FTO: variants seen among roughly 807,000 people sequenced by gnomAD.
FTO encodes the protein FTO alpha-ketoglutarate dependent dioxygenase.
Under a neutral mutation model 63.9 loss-of-function variants are expected in FTO, and 47 were observed. That is an observed-to-expected ratio of 0.74 (90% confidence interval 0.58 to 0.94). FTO has a LOEUF of 0.94. Ranked by LOEUF, FTO falls within the 40% of genes least tolerant of loss-of-function variation. FTO has a pLI of 0.00. For synonymous variants in FTO, 207 were observed against 224.4 expected, an observed-to-expected ratio of 0.92 and a Z score of 0.69; for missense variants, 562 against 618.1, an observed-to-expected ratio of 0.91 and a Z score of 0.96.
At chr16:53,724,743 T>G (rs2076114731) in intron 1 of FTO, among the ~76,000 whole-genome samples, 1 of 152,166 alleles carries the variant, frequency 6.6e-6, no homozygotes. Flanking sequence ...CAGTTTCTTT[T>G]CCTACATGAA....
At chr16:53,828,142 T>C (rs762463771) in intron 3 of FTO, among the ~76,000 whole-genome samples, 1 of 152,224 alleles carries the variant, frequency 6.6e-6, no homozygotes, top group Non-Finnish European at 1.5e-5. Flanking sequence ...CATATAAATA[T>C]AGAAATGTTG....
At chr16:53,793,686 G>A (rs1475883009) in intron 1 of FTO, among the ~76,000 whole-genome samples, 5 of 152,138 alleles carry the variant, frequency 3.3e-5, no homozygotes, top group Non-Finnish European at 2.9e-5. Flanking sequence ...TGGCGTGAAC[G>A]CGGGAGACGG....
chr16:53,903,339 A>T (rs923588583), intron 7 of FTO, among the ~76,000 whole-genome samples: 2 of 151,146 alleles, frequency 1.3e-5, no homozygotes, highest in Non-Finnish European at 2.9e-5. Context: ...GCTCATTGCA[A>T]CCTTTGCCTC....
At chr16:53,762,207 G>C (rs2151605758) in intron 1 of FTO, among the ~76,000 whole-genome samples, 1 of 152,246 alleles carries the variant, frequency 6.6e-6, no homozygotes, top group East Asian at 1.9e-4. Context: ...AGGCACTCCT[G>C]TTTATTTTCA....
chr16:54,100,420 A>C (rs372975822), intron 8 of FTO, among the ~76,000 whole-genome samples: 237 of 152,202 alleles, frequency 1.6e-3, no homozygotes, highest in African/African-American at 5.6e-3. Flanking sequence ...TGGCACAATC[A>C]CGGCTCACTG....
chr16:53,761,461 G>A (rs1163833378), intron 1 of FTO, among the ~76,000 whole-genome samples: 3 of 152,076 alleles, frequency 2.0e-5, no homozygotes, highest in Non-Finnish European at 2.9e-5. Context: ...CCAAGTGCAT[G>A]TTTTGAATCC....
chr16:54,119,599 C>G lies in FTO; in HGVS notation c.*7684C>G, dbSNP rs1224424028. The G allele has an allele frequency of 6.6e-6, 1 of 152,078 alleles. No homozygotes were observed. The highest frequency in any genetic ancestry group is 2.4e-5 in the African/African-American group (1 of 41,386). The allele number at this position is 152,078 out of a possible 1,614,324, so 9.4% of individuals were successfully genotyped here. ...CTCGGTGAACATGTGAACAATCAAG[C>G]CATGTTTACCATGGACGTTTAGTTT... On this transcript the variant is annotated 3_prime_UTR_variant, in exon 9 of 9. Transcript: ENST00000471389.
rs186447035 is a variant in FTO, at chr16:54,117,249, G to A, written c.*5334G>A. 7 of 152,260 alleles carry A rather than the reference G, an allele frequency of 4.6e-5. No individual in the cohort carries two copies. The highest frequency in any genetic ancestry group is 2.0e-4 in the Admixed American group (3 of 15,282). The allele number at this position is 152,260 out of a possible 1,614,324, so 9.4% of individuals were successfully genotyped here. A position where few individuals can be genotyped will look rare whatever the true frequency, so the allele number is the denominator to read the frequency against. ...TTGTGAAGGTTCAATAAGTTAATGCGTATTTAAAATGCCTCCCACAGTACC... is the reference window on the plus strand; with the variant it reads ...TTGTGAAGGTTCAATAAGTTAATGCATATTTAAAATGCCTCCCACAGTACC... On this transcript the variant is annotated 3_prime_UTR_variant, in exon 9 of 9. Transcript: ENST00000471389.
chr16:53,930,994 G>A (rs1352645337), intron 7 of FTO, among the ~76,000 whole-genome samples: 1 of 152,100 alleles, frequency 6.6e-6, no homozygotes, highest in Admixed American at 6.5e-5. Flanking sequence ...ATGGGGATAC[G>A]GTGTTGAACT....
intron 1 of FTO, among the ~76,000 whole-genome samples, chr16:53,806,500 T>C (rs1003999578): frequency 6.6e-6 from 1 of 152,222 alleles, no homozygotes; most frequent in Non-Finnish European, 1.5e-5. Context: ...TGCTTTTTAC[T>C]TCCCAATATC....
At chr16:53,835,194 G>A (rs1044419888) in intron 3 of FTO, among the ~76,000 whole-genome samples, 1 of 152,172 alleles carries the variant, frequency 6.6e-6, no homozygotes. Context: ...GTCTTCCAGA[G>A]TCTTCTTGTC....
intron 7 of FTO, among the ~76,000 whole-genome samples, chr16:53,917,037 A>G (rs1300149284): frequency 2.0e-5 from 3 of 152,122 alleles, no homozygotes; most frequent in African/African-American, 7.2e-5. Flanking sequence ...CCACCAGTGG[A>G]GACTGTCTGT....
intron 8 of FTO, among the ~76,000 whole-genome samples, chr16:53,971,966 C>A (rs1442119988): frequency 6.6e-6 from 1 of 152,082 alleles, no homozygotes; most frequent in Admixed American, 6.5e-5. Context: ...TTCATTGCCT[C>A]CCCCCTTCCC....
chr16:53,847,308 G>C (rs567935174), intron 4 of FTO, among the ~76,000 whole-genome samples: 1 of 152,160 alleles, frequency 6.6e-6, no homozygotes, highest in African/African-American at 2.4e-5. Context: ...AGCGCTGAAC[G>C]CTGCTCAGGG....
intron 1 of FTO, among the ~76,000 whole-genome samples, chr16:53,751,290 C>T (rs929899157): frequency 6.6e-6 from 1 of 152,080 alleles, no homozygotes; most frequent in Non-Finnish European, 1.5e-5. Context: ...AACCCCGTCT[C>T]TACTAAAAAT....
At chr16:54,034,031 G>C (rs575126493) in intron 8 of FTO, 1 of 152,194 alleles carries the variant, frequency 6.6e-6, no homozygotes, top group Non-Finnish European at 1.5e-5. Flanking sequence ...GAGGGTACAG[G>C]TAGGAGGGTT....
At chr16:53,910,215 G>A (rs1045049278) in intron 7 of FTO, among the ~76,000 whole-genome samples, 16 of 152,124 alleles carry the variant, frequency 1.1e-4, no homozygotes, top group African/African-American at 3.9e-4. Context: ...CAGTACTTCC[G>A]GTACCTAGGT....
intron 4 of FTO, among the ~76,000 whole-genome samples, chr16:53,851,605 C>T (rs1021824424): frequency 3.3e-5 from 5 of 152,038 alleles, no homozygotes; most frequent in South Asian, 2.1e-4. Context: ...TAAGTGTTAG[C>T]GTAAAGATAG....
At chr16:53,881,389 C>T (rs1420816137) in intron 6 of FTO, among the ~76,000 whole-genome samples, 5 of 152,154 alleles carry the variant, frequency 3.3e-5, no homozygotes, top group Non-Finnish European at 7.3e-5. Flanking sequence ...CCTATATGCA[C>T]ACCTGCCCTT....
Sources: gnomAD v4.1 joint callset for allele counts (sites outside exome capture counted in the v4.1 genomes callset) on GRCh38, gnomAD v4.1.1 for gene constraint, MANE v1.5 for transcripts, NCBI Gene and HGNC (gene_info 2026-07-23, HGNC 2026-07-21) for gene names.